INSC: variants seen among roughly 807,000 people sequenced by gnomAD.
INSC encodes the protein protein inscuteable homolog.
INSC carries 67 observed loss-of-function variants against 58.6 expected under a neutral mutation model. That is an observed-to-expected ratio of 1.14 (90% CI 0.94 to 1.40). The LOEUF is 1.40. Ranked by LOEUF, INSC falls within the 40% of genes most tolerant of loss-of-function variation. The pLI is 0.00. For missense variants in INSC, 714 were observed against 692.0 expected, an observed-to-expected ratio of 1.03 and a Z score of -0.36; for synonymous variants, 262 against 276.1, an observed-to-expected ratio of 0.95 and a Z score of 0.51.
chr11:15,244,113 A>G (rs1852469243), intron 12 of INSC, among the ~76,000 whole-genome samples: 2 of 151,954 alleles, frequency 1.3e-5, no homozygotes, highest in Non-Finnish European at 2.9e-5. Flanking sequence ...TTTATCCCTA[A>G]TGATGCAAAA....
chr11:15,147,120 T>A (rs988070888), intron 1 of INSC, among the ~76,000 whole-genome samples: 1 of 152,222 alleles, frequency 6.6e-6, no homozygotes, highest in African/African-American at 2.4e-5. Context: ...TCTAATCACA[T>A]CTTAGTTTTA....
intron 6 of INSC, among the ~76,000 whole-genome samples, chr11:15,193,729 G>A (rs1007190935): frequency 3.3e-5 from 5 of 152,142 alleles, no homozygotes; most frequent in African/African-American, 1.2e-4. Context: ...CTTTGCTATT[G>A]TGAATAGTGC....
Position 15,225,901 on chromosome 11 carries a change from T to C in INSC, c.1170+73T>C, listed in dbSNP as rs547257956. On this transcript the variant is annotated intron_variant, in intron 9 of 12. Transcript: ENST00000379556. ...CAGAAGTTAGGAGGCCAGCACGTAG[T>C]TTCTGAGGCAGGGGAGAGAGCATGG... The C allele has an allele frequency of 3.1e-5, 46 of 1,464,490 alleles. No individual in the cohort carries two copies. The African/African-American group carries it at 5.9e-4, about 19-fold the overall frequency. 90.7% of individuals were successfully genotyped at this position (1,464,490 alleles called of 1,614,324 possible).
intron 9 of INSC, among the ~76,000 whole-genome samples, chr11:15,231,023 C>A (rs1851904506): frequency 6.6e-6 from 1 of 152,208 alleles, no homozygotes; most frequent in Admixed American, 6.5e-5. Flanking sequence ...CTGTCCAGCC[C>A]TCTCAGGTCC....
intron 12 of INSC, among the ~76,000 whole-genome samples, chr11:15,245,170 C>T (rs1042844983): frequency 2.0e-5 from 3 of 152,050 alleles, no homozygotes; most frequent in African/African-American, 7.3e-5. Flanking sequence ...GAGGTCAGCC[C>T]AGGGGCCCTG....
intron 5 of INSC, chr11:15,188,309 T>G: frequency 1.0e-6 from 1 of 985,440 alleles, no homozygotes; most frequent in Non-Finnish European, 1.2e-6. Flanking sequence ...AGCCTTGCCT[T>G]GAGGCTTCAA....
chr11:15,209,280 A>G (rs1348250474), intron 7 of INSC, among the ~76,000 whole-genome samples: 1 of 152,188 alleles, frequency 6.6e-6, no homozygotes, highest in Non-Finnish European at 1.5e-5. Flanking sequence ...CCATTTCATC[A>G]CAGGTGAAAG....
At chr11:15,126,286 G>A (rs188573484) in intron 1 of INSC, among the ~76,000 whole-genome samples, 220 of 152,316 alleles carry the variant, frequency 1.4e-3, no homozygotes, top group Non-Finnish European at 2.5e-3. Context: ...GAGTACTTCT[G>A]GGGCAGCTCC....
downstream of INSC, among the ~76,000 whole-genome samples, chr11:15,251,563 C>T (rs778456644): frequency 6.6e-6 from 1 of 152,130 alleles, no homozygotes; most frequent in Non-Finnish European, 1.5e-5. Flanking sequence ...ACAATAAAAA[C>T]ACAACCCAGT....
chr11:15,229,975 T>TATA (rs1851816934), intron 9 of INSC, among the ~76,000 whole-genome samples: 1 of 14,004 alleles, frequency 7.1e-5, no homozygotes, highest in African/African-American at 1.9e-4. Flanking sequence ...TATATATATA[T>TATA]ATATTATATA....
chr11:15,256,340 A>C, the INSC span, among the ~76,000 whole-genome samples: 1 of 152,208 alleles, frequency 6.6e-6, no homozygotes, highest in East Asian at 1.9e-4. Context: ...TAATGAACTT[A>C]CTTATACTTC....
At chr11:15,195,579 C>T (rs1396187747) in intron 6 of INSC, among the ~76,000 whole-genome samples, 1 of 152,174 alleles carries the variant, frequency 6.6e-6, no homozygotes, top group Non-Finnish European at 1.5e-5. Flanking sequence ...TGCATTTGTG[C>T]TTCACATTCA....
intron 1 of INSC, among the ~76,000 whole-genome samples, chr11:15,146,019 C>T (rs548770495): frequency 6.6e-6 from 1 of 152,362 alleles, no homozygotes; most frequent in Admixed American, 6.5e-5. Context: ...CTAACCAGTG[C>T]TTCCCACTGA....
chr11:15,114,717 C>T (rs561264133), upstream of INSC, among the ~76,000 whole-genome samples: 9 of 152,314 alleles, frequency 5.9e-5, no homozygotes, highest in Non-Finnish European at 7.4e-5. Context: ...GTTTCCCCCC[C>T]CAGGGGCACC....
At chr11:15,122,973 G>A (rs1180275584) in intron 1 of INSC, among the ~76,000 whole-genome samples, 2 of 152,166 alleles carry the variant, frequency 1.3e-5, no homozygotes, top group Non-Finnish European at 2.9e-5. Flanking sequence ...GCCTGGCCCT[G>A]CTGCCCTCTC....
In INSC at chr11:15,173,119, C is replaced by A. The variant is rs549671346; in HGVS notation, c.57-2622C>A. ...CAGGAGCTGAACAAAAAGTGAATGCCCAGGAATGGGAAAATGGCTTAATAA... is the reference window on the plus strand; with the variant it reads ...CAGGAGCTGAACAAAAAGTGAATGCACAGGAATGGGAAAATGGCTTAATAA... On this transcript the variant is annotated intron_variant, in intron 2 of 12. Coordinates refer to ENST00000379556, the MANE Select transcript of INSC (RefSeq NM_001042536.3). 3.3e-5 allele frequency among the ~76,000 whole-genome samples: 5 copies of A among 152,020 alleles called. No individual in the cohort carries two copies. The South Asian group carries it at 1.0e-3, about 32-fold the overall frequency.
downstream of INSC, among the ~76,000 whole-genome samples, chr11:15,249,952 G>C (rs995122822): frequency 4.6e-5 from 7 of 152,192 alleles, no homozygotes; most frequent in Non-Finnish European, 7.4e-5. Context: ...AGGTTGGAAT[G>C]GGGGGTGGCT....
chr11:15,217,669 C>T (rs547458160), intron 7 of INSC, among the ~76,000 whole-genome samples: 3 of 152,116 alleles, frequency 2.0e-5, no homozygotes, highest in South Asian at 2.1e-4. Context: ...CAGAACGAAA[C>T]GCTAGGAAAA....
At chr11:15,134,984 C>A (rs944001600) in intron 1 of INSC, among the ~76,000 whole-genome samples, 1 of 152,036 alleles carries the variant, frequency 6.6e-6, no homozygotes, top group Non-Finnish European at 1.5e-5. Context: ...TTTTTTAAGA[C>A]CTTACCACTT....
Sources: gnomAD v4.1 joint callset for allele counts (sites outside exome capture counted in the v4.1 genomes callset) on GRCh38, gnomAD v4.1.1 for gene constraint, MANE v1.5 for transcripts, NCBI Gene and HGNC (gene_info 2026-07-23, HGNC 2026-07-21) for gene names.